The following MOB3B variants were observed in gnomAD, a reference collection of about 807,000 sequenced individuals.
MOB3B encodes the protein MOB kinase activator-like 2B.
A neutral mutation model predicts 18.7 loss-of-function variants in MOB3B; 7 were observed. The observed-to-expected ratio is 0.37, with a 90% CI of 0.21 to 0.70. The LOEUF (loss-of-function observed/expected upper bound fraction) is 0.70. Ranked by LOEUF, MOB3B falls within the 30% of genes least tolerant of loss-of-function variation. The pLI is 0.52. For missense variants in MOB3B, 253 were observed against 281.3 expected, an observed-to-expected ratio of 0.90 and a Z score of 0.72; for synonymous variants, 111 against 99.9, an observed-to-expected ratio of 1.11 and a Z score of -0.66.
At position 27,471,298 on chromosome 9, in the gene MOB3B, T is replaced by G. The variant is rs540450765; in HGVS notation, c.-198-15550A>C. ...GAGACAAAAGTGGTCATCTGAAGAG[T>G]TGTATTTCCAGCAGTAAGAATGGCA... is the stretch of plus-strand genomic sequence containing the variant. On this transcript the variant is annotated intron_variant, in intron 1 of 3. Coordinates refer to ENST00000262244, the MANE Select transcript of MOB3B (RefSeq NM_024761.5). 5.3e-5 allele frequency among the ~76,000 whole-genome samples: 8 copies of G among 152,062 alleles called. 1 individual carries two copies. In the South Asian group the frequency reaches 1.7e-3, roughly 32 times the overall value.
intron 2 of MOB3B, among the ~76,000 whole-genome samples, chr9:27,450,893 C>G (rs985987525): frequency 6.6e-6 from 1 of 152,146 alleles, no homozygotes; most frequent in Non-Finnish European, 1.5e-5. Context: ...AGGCACAGGG[C>G]TTGGTATTTA....
At chr9:27,376,422 C>T (rs951082460) in intron 2 of MOB3B, among the ~76,000 whole-genome samples, 5 of 152,166 alleles carry the variant, frequency 3.3e-5, no homozygotes, top group African/African-American at 1.2e-4. Flanking sequence ...ATTTGTCTTG[C>T]AGTGTTGGTA....
chr9:27,430,564 A>C (rs1442520596), intron 2 of MOB3B, among the ~76,000 whole-genome samples: 1 of 152,148 alleles, frequency 6.6e-6, no homozygotes, highest in East Asian at 1.9e-4. Flanking sequence ...TGTTTGAAAA[A>C]TATAAAAAGG....
intron 3 of MOB3B, among the ~76,000 whole-genome samples, chr9:27,354,331 G>A (rs183060806): frequency 2.0e-5 from 3 of 152,306 alleles, no homozygotes; most frequent in East Asian, 3.9e-4. Flanking sequence ...AAACAGAGAG[G>A]GTTGGTTATC....
chr9:27,470,786 A>G (rs1819458854), intron 1 of MOB3B, among the ~76,000 whole-genome samples: 1 of 152,110 alleles, frequency 6.6e-6, no homozygotes. Flanking sequence ...TGTTTCTGCC[A>G]TCCCTGCCGC....
At chr9:27,340,824 A>G (rs1021430204) in intron 3 of MOB3B, among the ~76,000 whole-genome samples, 2 of 151,862 alleles carry the variant, frequency 1.3e-5, no homozygotes, top group African/African-American at 4.8e-5. Context: ...CTGTTACCCA[A>G]CTTCTCCAGA....
Position 27,435,894 on chromosome 9 carries a change from C to A in MOB3B, c.418+19239G>T, listed in dbSNP as rs568124351. On this transcript the variant is annotated intron_variant, in intron 2 of 3. Transcript: ENST00000262244. ...GGGATTAAAGGTGTGAGCCACCATA[C>A]CCAGCCAAGACCAGAGTTCTTTCTA... Among the ~76,000 whole-genome samples, 13 of 152,308 alleles carry A rather than the reference C, an allele frequency of 8.5e-5. No homozygotes were observed. The East Asian group carries it at 2.3e-3, about 27-fold the overall frequency.
chr9:27,360,972 G>A (rs554929594), intron 2 of MOB3B, among the ~76,000 whole-genome samples: 1 of 152,222 alleles, frequency 6.6e-6, no homozygotes, highest in South Asian at 2.1e-4. Flanking sequence ...CTTTCTCAGT[G>A]GAGAGGGGCC....
chr9:27,504,119 C>T (rs1820025721), intron 1 of MOB3B, among the ~76,000 whole-genome samples: 1 of 152,232 alleles, frequency 6.6e-6, no homozygotes, highest in Non-Finnish European at 1.5e-5. Flanking sequence ...GCTTCATCAT[C>T]TTTTGCTCAA....
chr9:27,442,830 G>A lies in MOB3B; in HGVS notation c.418+12303C>T, dbSNP rs774050053. 5.3e-5 allele frequency among the ~76,000 whole-genome samples: 8 copies of A among 152,158 alleles called. 1 individual carries two copies. The highest frequency in any genetic ancestry group is 1.2e-4 in the Non-Finnish European group (8 of 68,026). ...CATTGCACCATCTGGCATGGGGCCTGTTTTCCTGACTGAAATGTAAGTTCC... is the reference window on the plus strand; with the variant it reads ...CATTGCACCATCTGGCATGGGGCCTATTTTCCTGACTGAAATGTAAGTTCC... On this transcript the variant is annotated intron_variant, in intron 2 of 3. Transcript: ENST00000262244.
chr9:27,522,444 T>G (rs1281210429), intron 1 of MOB3B, among the ~76,000 whole-genome samples: 2 of 141,296 alleles, frequency 1.4e-5, no homozygotes, highest in African/African-American at 2.5e-5. Flanking sequence ...TATATATATA[T>G]ATGCATATGT....
intron 2 of MOB3B, among the ~76,000 whole-genome samples, chr9:27,416,728 A>C (rs1244329559): frequency 6.6e-6 from 1 of 151,410 alleles, no homozygotes; most frequent in East Asian, 1.9e-4. Flanking sequence ...TAGAGGCAGG[A>C]TCTTGCTATG....
intron 1 of MOB3B, among the ~76,000 whole-genome samples, chr9:27,500,699 A>G (rs1587261208): frequency 1.3e-5 from 2 of 152,362 alleles, no homozygotes; most frequent in Middle Eastern, 6.8e-3. Flanking sequence ...CAAGGACTTC[A>G]TGACTAAAAC....
intron 2 of MOB3B, among the ~76,000 whole-genome samples, chr9:27,415,531 A>C (rs776430791): frequency 8.5e-5 from 13 of 152,254 alleles, no homozygotes; most frequent in Non-Finnish European, 1.9e-4. Context: ...TTCTCTGTGA[A>C]AGTGTTCTTT....
intron 2 of MOB3B, among the ~76,000 whole-genome samples, chr9:27,434,396 C>T (rs1451926337): frequency 1.3e-5 from 2 of 152,166 alleles, no homozygotes; most frequent in African/African-American, 4.8e-5. Context: ...TCCCCTTTCT[C>T]CACCCACCAT....
At chr9:27,474,232 T>C (rs1819518968) in intron 1 of MOB3B, among the ~76,000 whole-genome samples, 1 of 152,190 alleles carries the variant, frequency 6.6e-6, no homozygotes, top group African/African-American at 2.4e-5. Flanking sequence ...TAATAATTTA[T>C]ATTTCCTCCA....
intron 1 of MOB3B, among the ~76,000 whole-genome samples, chr9:27,459,754 C>T (rs1819249768): frequency 6.6e-6 from 1 of 151,598 alleles, no homozygotes; most frequent in African/African-American, 2.4e-5. Context: ...AATACCTTTT[C>T]ATAAATGCCA....
At chr9:27,399,080 A>G (rs960295622) in intron 2 of MOB3B, among the ~76,000 whole-genome samples, 1 of 152,196 alleles carries the variant, frequency 6.6e-6, no homozygotes, top group Non-Finnish European at 1.5e-5. Flanking sequence ...TTCTTAGTTA[A>G]GTGAGGAAAA....
intron 2 of MOB3B, among the ~76,000 whole-genome samples, chr9:27,364,160 G>A (rs1563850638): frequency 6.6e-6 from 1 of 152,172 alleles, no homozygotes; most frequent in South Asian, 2.1e-4. Context: ...GGATCACCTC[G>A]AACGGACACT....
Sources: gnomAD v4.1 joint callset for allele counts (sites outside exome capture counted in the v4.1 genomes callset) on GRCh38, gnomAD v4.1.1 for gene constraint, MANE v1.5 for transcripts, NCBI Gene and HGNC (gene_info 2026-07-23, HGNC 2026-07-21) for gene names.